The following XYLT1 variants were observed in gnomAD, a reference collection of about 807,000 sequenced individuals.
XYLT1 encodes beta-D-xylosyltransferase 1.
A neutral mutation model predicts 91.3 loss-of-function variants in XYLT1; 36 were observed. That is an observed-to-expected ratio of 0.39 (90% confidence interval 0.30 to 0.52). The LOEUF is 0.52. XYLT1 is among the 20% of genes least tolerant of loss of function. The pLI, the probability that XYLT1 is intolerant of heterozygous loss-of-function variation, is 0.68. For missense variants in XYLT1, 1,242 were observed against 1,284.5 expected, an observed-to-expected ratio of 0.97 and a Z score of 0.51; for synonymous variants, 588 against 532.0, an observed-to-expected ratio of 1.11 and a Z score of -1.45.
intron 3 of XYLT1, among the ~76,000 whole-genome samples, chr16:17,235,410 C>T (rs888986578): frequency 4.0e-5 from 6 of 149,756 alleles, no homozygotes; most frequent in East Asian, 3.9e-4. Context: ...TGCAAAAGGA[C>T]GTACCAGTAT....
chr16:17,391,614 T>C (rs1394529592), intron 1 of XYLT1, among the ~76,000 whole-genome samples: 1 of 152,194 alleles, frequency 6.6e-6, no homozygotes, highest in Non-Finnish European at 1.5e-5. Context: ...CTAACCCAAG[T>C]CCCAGTCATC....
chr16:17,223,910 C>T (rs1381823883), intron 3 of XYLT1, among the ~76,000 whole-genome samples: 1 of 152,178 alleles, frequency 6.6e-6, no homozygotes, highest in Non-Finnish European at 1.5e-5. Flanking sequence ...GACAGTTTGC[C>T]CTGTGTGACC....
At chr16:17,243,555 T>C (rs1371701772) in intron 3 of XYLT1, among the ~76,000 whole-genome samples, 1 of 152,122 alleles carries the variant, frequency 6.6e-6, no homozygotes, top group Non-Finnish European at 1.5e-5. Flanking sequence ...ATCCCCATTC[T>C]ATAGATTAAA....
intron 11 of XYLT1, among the ~76,000 whole-genome samples, chr16:17,117,266 G>A (rs1403219763): frequency 6.6e-6 from 1 of 152,156 alleles, no homozygotes; most frequent in East Asian, 1.9e-4. Flanking sequence ...TTTCCACCTA[G>A]TGTATCATAT....
At chr16:17,194,511 T>G (rs2032386071) in intron 5 of XYLT1, among the ~76,000 whole-genome samples, 1 of 152,202 alleles carries the variant, frequency 6.6e-6, no homozygotes, top group African/African-American at 2.4e-5. Context: ...TGTGGGAACT[T>G]TGAGCACAGC....
At chr16:17,354,650 G>A (rs2035269330) in intron 2 of XYLT1, 1 of 152,196 alleles carries the variant, frequency 6.6e-6, no homozygotes, top group Admixed American at 6.5e-5. Flanking sequence ...AAGTGCACTG[G>A]GAGAAAAGCG....
intron 3 of XYLT1, among the ~76,000 whole-genome samples, chr16:17,238,983 A>T (rs2033293247): frequency 6.6e-6 from 1 of 152,254 alleles, no homozygotes; most frequent in South Asian, 2.1e-4. Flanking sequence ...AACACCAATC[A>T]GGTCCTCTAA....
chr16:17,431,696 C>T (rs868185233), intron 1 of XYLT1, among the ~76,000 whole-genome samples: 4 of 152,160 alleles, frequency 2.6e-5, no homozygotes, highest in Admixed American at 6.5e-5. Context: ...GGACATATAG[C>T]GATCAATGCA....
rs1444465550 is a variant in XYLT1 at position 17,141,141 on chromosome 16, C to G, written c.1587+12G>C. 2 of 1,610,336 alleles carry G rather than the reference C, an allele frequency of 1.2e-6. No individual in the cohort carries two copies. Among genetic ancestry groups the G allele is most frequent in the Non-Finnish European group, 8.5e-7 (1 of 1,177,116 alleles). ...CCCTATCTTTCTTGGGAAAATTTTC[C>G]CAGATACTCACCTCAGCAGGAAGCA... is the stretch of plus-strand genomic sequence containing the variant. On this transcript the variant is annotated intron_variant, in intron 7 of 11. Coordinates refer to ENST00000261381, the MANE Select transcript of XYLT1 (RefSeq NM_022166.4).
chr16:17,150,918 C>A (rs1441134230), intron 6 of XYLT1, among the ~76,000 whole-genome samples: 1 of 152,060 alleles, frequency 6.6e-6, no homozygotes, highest in South Asian at 2.1e-4. Context: ...TGGGGAAGGC[C>A]TTTATGAGTG....
chr16:17,142,391 T>G (rs2031002533), intron 6 of XYLT1, among the ~76,000 whole-genome samples: 1 of 150,956 alleles, frequency 6.6e-6, no homozygotes, highest in East Asian at 1.9e-4. Context: ...ATTAATACAT[T>G]AAATAACAAG....
intron 1 of XYLT1, among the ~76,000 whole-genome samples, chr16:17,444,385 C>T (rs910150491): frequency 5.9e-5 from 9 of 152,160 alleles, no homozygotes; most frequent in African/African-American, 2.2e-4. Flanking sequence ...CTCTGTCACC[C>T]AGGTTGCAAT....
chr16:17,383,790 C>T (rs987441449), intron 1 of XYLT1, among the ~76,000 whole-genome samples: 1 of 149,582 alleles, frequency 6.7e-6, no homozygotes, highest in African/African-American at 2.4e-5. Flanking sequence ...TCTTGTTGCC[C>T]AGGCCAGAGT....
rs1175734397 is a variant in XYLT1 at position 17,103,007 on chromosome 16, G to A, written c.*5688C>T. 1.3e-5 allele frequency: 2 copies of A among 152,334 alleles called. No homozygotes were observed. Among genetic ancestry groups the A allele is most frequent in the African/African-American group, 4.8e-5 (2 of 41,378 alleles). 9.4% of individuals were successfully genotyped at this position (152,334 alleles called of 1,614,324 possible). On this transcript the variant is annotated 3_prime_UTR_variant, in exon 12 of 12. Coordinates refer to ENST00000261381, the MANE Select transcript of XYLT1 (RefSeq NM_022166.4). ...AAAGACAATTGCGCACAATTCCAGT[G>A]AATTTCCTATGAAAACCCTGGGGTT...
At chr16:17,118,208 C>T (rs752289759) in intron 10 of XYLT1, among the ~76,000 whole-genome samples, 13 of 152,094 alleles carry the variant, frequency 8.5e-5, no homozygotes, top group South Asian at 2.1e-4. Context: ...ATTAAACCAC[C>T]GGGCCTCCTG....
At position 17,186,467 on chromosome 16, in the gene XYLT1, A is replaced by ATTTTTT. The variant is rs55895412; in HGVS notation, c.1289+11739_1289+11744dup. Reference sequence around the variant, plus strand: ...AGGGGTGCACCACCACACCTGGTTAATTTTTTTTTTTTTTTTTTTAGAAAT... The same window carrying ATTTTTT: ...AGGGGTGCACCACCACACCTGGTTAATTTTTTTTTTTTTTTTTTTTTTTTTAGAAAT... On this transcript the variant is annotated intron_variant, in intron 5 of 11. Transcript: ENST00000261381. Among the ~76,000 whole-genome samples the ATTTTTT allele has an allele frequency of 6.9e-3, 912 of 132,364 alleles. 12 individuals carry two copies. Among genetic ancestry groups the ATTTTTT allele is most frequent in the African/African-American group, 0.025 (854 of 34,568 alleles). 86.8% of individuals were successfully genotyped at this position (132,364 alleles called of 152,430 possible). A position where few individuals can be genotyped will look rare whatever the true frequency, so the allele number is the denominator to read the frequency against.
intron 1 of XYLT1, among the ~76,000 whole-genome samples, chr16:17,421,509 C>T (rs569943556): frequency 2.3e-4 from 35 of 152,294 alleles, no homozygotes; most frequent in African/African-American, 8.4e-4. Context: ...GCAGCTTCCA[C>T]CTTCCTGCCT....
chr16:17,287,967 C>T (rs965472963), intron 2 of XYLT1, among the ~76,000 whole-genome samples: 1 of 149,122 alleles, frequency 6.7e-6, no homozygotes. Context: ...CAGGGTCTGG[C>T]TCTGTTGGCC....
chr16:17,139,516 C>A (rs1344392802), intron 7 of XYLT1, among the ~76,000 whole-genome samples: 1 of 152,132 alleles, frequency 6.6e-6, no homozygotes, highest in Non-Finnish European at 1.5e-5. Context: ...GCCAAACTCC[C>A]AAACAATCTC....
Sources: allele counts gnomAD v4.1 joint callset (sites outside exome capture counted in the v4.1 genomes callset), GRCh38; gene constraint gnomAD v4.1.1; transcripts MANE v1.5; gene names NCBI Gene and HGNC (gene_info 2026-07-23, HGNC 2026-07-21).